PVT1: variants seen among roughly 807,000 people sequenced by gnomAD.
The protein encoded by PVT1 is CXCR4/PVT1 fusion.
Position 127,830,933 on chromosome 8 carries a change from G to C in PVT1, n.372+34862G>C, listed in dbSNP as rs554329860. On this transcript the variant is annotated intron_variant and non_coding_transcript_variant, in intron 2 of 10. Transcript: ENST00000651587. ...CAGACATCGGACTCCAAGTTCTTCAGTTTTGAGGCTTGGACTGGCTCTCCT... is the reference window on the plus strand; with the variant it reads ...CAGACATCGGACTCCAAGTTCTTCACTTTTGAGGCTTGGACTGGCTCTCCT... Among the ~76,000 whole-genome samples the C allele has an allele frequency of 3.9e-5, 6 of 152,236 alleles. No homozygotes were observed. The South Asian group carries it at 1.2e-3, about 32-fold the overall frequency.
At chr8:127,875,448 GA>G (rs1185256735) in intron 2 of PVT1, among the ~76,000 whole-genome samples, 1 of 151,766 alleles carries the variant, frequency 6.6e-6, no homozygotes, top group Non-Finnish European at 1.5e-5. Flanking sequence ...TTCATCATTA[GA>G]CATATTTCGA....
At chr8:127,849,689 A>G in intron 2 of PVT1, among the ~76,000 whole-genome samples, 1 of 143,760 alleles carries the variant, frequency 7.0e-6, no homozygotes, top group African/African-American at 2.7e-5. Flanking sequence ...CACAGCCTGT[A>G]CATATGTGTG....
intron 3 of PVT1, chr8:127,947,932 T>C (rs1400956403): frequency 6.6e-6 from 3 of 457,006 alleles, no homozygotes; most frequent in Non-Finnish European, 1.3e-5. Flanking sequence ...ATAAGGAAAC[T>C]GAGTGCAAAG....
intron 2 of PVT1, among the ~76,000 whole-genome samples, chr8:127,885,002 A>C (rs1206397079): frequency 6.6e-6 from 1 of 152,222 alleles, no homozygotes; most frequent in African/African-American, 2.4e-5. Context: ...AATATTCAAC[A>C]GACTGTGTCC....
intron 3 of PVT1, among the ~76,000 whole-genome samples, chr8:127,981,198 A>C (rs1816879466): frequency 6.6e-6 from 1 of 152,190 alleles, no homozygotes; most frequent in Non-Finnish European, 1.5e-5. Flanking sequence ...GATGAGATGG[A>C]ATCAGTGAAT....
chr8:127,913,620 A>G (rs939741850), intron 3 of PVT1, among the ~76,000 whole-genome samples: 32 of 152,118 alleles, frequency 2.1e-4, no homozygotes, highest in African/African-American at 7.2e-4. Flanking sequence ...AGAGCTCTTC[A>G]GTATGGAAGC....
Position 127,807,916 on chromosome 8 carries a change from T to C in PVT1, n.372+11845T>C, listed in dbSNP as rs530578947. On this transcript the variant is annotated intron_variant and non_coding_transcript_variant, in intron 2 of 10. Coordinates refer to ENST00000651587, the Ensembl canonical transcript of PVT1. ...CCGAGTAGCTGGGACTACAGATGCC[T>C]GCTACCACGCCCGGTTAATTGTTTT... is the stretch of plus-strand genomic sequence containing the variant. Among the ~76,000 whole-genome samples, 39 of 151,718 alleles carry C rather than the reference T, an allele frequency of 2.6e-4. No homozygotes were observed. The South Asian group carries it at 7.9e-3, about 31-fold the overall frequency.
chr8:127,977,812 A>C (rs1316456137), intron 3 of PVT1, among the ~76,000 whole-genome samples: 1 of 152,218 alleles, frequency 6.6e-6, no homozygotes, highest in Admixed American at 6.5e-5. Context: ...ATAAGCTTGA[A>C]GGCTTCTTAT....
At chr8:127,992,515 A>G (rs1002800213) in intron 4 of PVT1, among the ~76,000 whole-genome samples, 1 of 152,112 alleles carries the variant, frequency 6.6e-6, no homozygotes, top group African/African-American at 2.4e-5. Context: ...CTAGTACTAT[A>G]GGCACACACC....
intron 1 of PVT1, chr8:127,795,606 C>A (rs148252335): frequency 0.014 from 2,204 of 152,260 alleles, 52 homozygotes; most frequent in Middle Eastern, 0.041. Context: ...GCCCACTCCA[C>A]CACTGTGAAT....
intron 4 of PVT1, among the ~76,000 whole-genome samples, chr8:128,052,038 A>G (rs1335375584): frequency 6.6e-6 from 1 of 152,208 alleles, no homozygotes; most frequent in Non-Finnish European, 1.5e-5. Flanking sequence ...TTTAAGAAGT[A>G]GAGATCTCTT....
At chr8:127,810,346 G>A (rs1399657577) in intron 2 of PVT1, among the ~76,000 whole-genome samples, 1 of 152,220 alleles carries the variant, frequency 6.6e-6, no homozygotes, top group African/African-American at 2.4e-5. Flanking sequence ...TCCTGTAAGC[G>A]AGCTTTGCAA....
chr8:127,997,933 C>G (rs1287508842), intron 4 of PVT1, among the ~76,000 whole-genome samples: 1 of 152,180 alleles, frequency 6.6e-6, no homozygotes, highest in African/African-American at 2.4e-5. Flanking sequence ...GTTTTGATGA[C>G]CAGTTTTGAC....
chr8:127,840,337 G>A (rs958748628), intron 2 of PVT1, among the ~76,000 whole-genome samples: 45 of 152,178 alleles, frequency 3.0e-4, no homozygotes, highest in African/African-American at 9.4e-4. Flanking sequence ...CAGAGGAGAC[G>A]TCTGCCCAGT....
At chr8:128,006,785 C>T (rs1817252717) in intron 4 of PVT1, among the ~76,000 whole-genome samples, 1 of 152,038 alleles carries the variant, frequency 6.6e-6, no homozygotes, top group African/African-American at 2.4e-5. Flanking sequence ...TGGTTATAAC[C>T]CATGACTATA....
intron 2 of PVT1, among the ~76,000 whole-genome samples, chr8:127,883,016 C>G (rs898524048): frequency 1.3e-5 from 2 of 151,638 alleles, no homozygotes; most frequent in Admixed American, 1.3e-4. Context: ...CACGCACACA[C>G]ATGCCTGCAC....
intron 4 of PVT1, among the ~76,000 whole-genome samples, chr8:128,057,746 G>A (rs973765838): frequency 6.6e-5 from 10 of 152,114 alleles, no homozygotes; most frequent in African/African-American, 1.9e-4. Context: ...AACGAGGTTC[G>A]GATCTCGGCA....
intron 3 of PVT1, among the ~76,000 whole-genome samples, chr8:127,937,226 T>G (rs146243158): frequency 6.6e-6 from 1 of 152,300 alleles, no homozygotes; most frequent in African/African-American, 2.4e-5. Context: ...TTGAGATGCT[T>G]TGGCACATTA....
chr8:128,099,778 C>T (rs1178406022), intron 6 of PVT1: 1 of 152,140 alleles, frequency 6.6e-6, no homozygotes, highest in Non-Finnish European at 1.5e-5. Context: ...TTATATTTTA[C>T]ATGCTGTTTT....
Sources: gnomAD v4.1 joint callset for allele counts (sites outside exome capture counted in the v4.1 genomes callset) on GRCh38, gnomAD v4.1.1 for gene constraint, MANE v1.5 for transcripts, NCBI Gene and HGNC (gene_info 2026-07-23, HGNC 2026-07-21) for gene names.